The following MYO16 variants were observed in gnomAD, a reference collection of about 807,000 sequenced individuals.
The protein encoded by MYO16 is myosin XVI, also known as unconventional myosin-XVI.
Under a neutral mutation model 205.3 loss-of-function variants are expected in MYO16, and 94 were observed. That is an observed-to-expected ratio of 0.46 (90% CI 0.39 to 0.54). The LOEUF is 0.54. Ranked by LOEUF, MYO16 falls within the 20% of genes least tolerant of loss-of-function variation. MYO16 has a pLI of 0.00. For missense variants in MYO16, 2,315 were observed against 2,387.5 expected (o/e 0.97, Z 0.63); for synonymous variants, 988 against 954.0 (o/e 1.04, Z -0.66).
At chr13:109,046,883 C>T in intron 23 of MYO16, 33 bp from the exon 24 acceptor site, 2 of 1,511,204 alleles carry the variant, frequency 1.3e-6, no homozygotes, top group Non-Finnish European at 1.8e-6. Context: ...CATGTTGAAT[C>T]ATTAGTAATT....
the MYO16 span, among the ~76,000 whole-genome samples, chr13:108,566,729 GGAAGGGAGGAAGGA>G: frequency 7.8e-6 from 1 of 127,502 alleles, no homozygotes; most frequent in East Asian, 2.2e-4. Context: ...AAGGAAGGAA[GGAAGGGAGGAAGGA>G]AGGAAGGAAG....
At chr13:109,023,046 CAT>C (rs1449991605) in intron 23 of MYO16, among the ~76,000 whole-genome samples, 14 of 132,404 alleles carry the variant, frequency 1.1e-4, no homozygotes, top group Admixed American at 4.2e-4. Context: ...TTAATACACA[CAT>C]GTAAGTATAT....
chr13:108,818,924 C>T (rs1031969379), intron 7 of MYO16, among the ~76,000 whole-genome samples: 1 of 152,186 alleles, frequency 6.6e-6, no homozygotes, highest in African/African-American at 2.4e-5. Flanking sequence ...TATTCTTTTA[C>T]ACCCAAGAAT....
At chr13:108,656,937 A>G (rs184755385) in intron 1 of MYO16, among the ~76,000 whole-genome samples, 44 of 152,298 alleles carry the variant, frequency 2.9e-4, no homozygotes, top group African/African-American at 1.0e-3. Context: ...TTGGTGCTCT[A>G]TGGAGACAGC....
intron 28 of MYO16, among the ~76,000 whole-genome samples, chr13:109,104,812 T>C (rs796287954): frequency 6.6e-6 from 1 of 152,150 alleles, no homozygotes; most frequent in East Asian, 1.9e-4. Flanking sequence ...CGAGTTTTGC[T>C]CACGTGCCAA....
At chr13:109,022,723 A>G in intron 23 of MYO16, among the ~76,000 whole-genome samples, 1 of 56,876 alleles carries the variant, frequency 1.8e-5, no homozygotes. Context: ...ACGCATATAA[A>G]CATATGTATA....
chr13:108,779,971 A>G (rs1886248903), intron 4 of MYO16: 1 of 152,182 alleles, frequency 6.6e-6, no homozygotes, highest in African/African-American at 2.4e-5. Flanking sequence ...TTCATTTTCA[A>G]GTTTCAGGCT....
intron 34 of MYO16, among the ~76,000 whole-genome samples, chr13:109,199,220 A>ATATATATATATG (rs1880304705): frequency 1.8e-5 from 2 of 110,758 alleles, no homozygotes; most frequent in East Asian, 7.1e-4. Context: ...ATATATATAT[A>ATATATATATATG]TATATATATA....
intron 11 of MYO16, among the ~76,000 whole-genome samples, chr13:108,858,545 A>G (rs1397152912): frequency 6.6e-6 from 1 of 152,062 alleles, no homozygotes; most frequent in Non-Finnish European, 1.5e-5. Flanking sequence ...ATTTCCCTGC[A>G]AATGTCACCG....
chr13:108,953,398 T>G (rs1883229113), intron 16 of MYO16, among the ~76,000 whole-genome samples: 1 of 152,234 alleles, frequency 6.6e-6, no homozygotes, highest in Admixed American at 6.5e-5. Flanking sequence ...TGGGAAATAC[T>G]CACATTCTGT....
At chr13:109,163,742 C>T (rs1878505942) in intron 32 of MYO16, among the ~76,000 whole-genome samples, 1 of 151,976 alleles carries the variant, frequency 6.6e-6, no homozygotes, top group Non-Finnish European at 1.5e-5. Flanking sequence ...GTTAAAGTTC[C>T]ATTCTATCTC....
chr13:108,542,786 G>A, the MYO16 span, among the ~76,000 whole-genome samples: 2 of 152,040 alleles, frequency 1.3e-5, no homozygotes, highest in Admixed American at 1.3e-4. Flanking sequence ...CTGGAATAAA[G>A]CCATGAATCA....
At chr13:108,951,843 C>T (rs1190160618) in intron 16 of MYO16, among the ~76,000 whole-genome samples, 1 of 152,148 alleles carries the variant, frequency 6.6e-6, no homozygotes, top group Non-Finnish European at 1.5e-5. Context: ...TGGCGCATGC[C>T]TGTAATCCCA....
the MYO16 span, among the ~76,000 whole-genome samples, chr13:108,572,197 G>T: frequency 2.6e-5 from 4 of 152,200 alleles, no homozygotes; most frequent in African/African-American, 7.2e-5. Flanking sequence ...AAACTGCTGG[G>T]ATTACAGGTG....
chr13:108,805,958 A>AAATAAAT (rs372498138), intron 6 of MYO16, among the ~76,000 whole-genome samples: 1 of 151,582 alleles, frequency 6.6e-6, no homozygotes, highest in Admixed American at 6.6e-5. Context: ...ATAAATAAAT[A>AAATAAAT]AAATTAGCTG....
At chr13:108,793,297 A>AAC (rs1886676789) in intron 5 of MYO16, among the ~76,000 whole-genome samples, 1 of 139,538 alleles carries the variant, frequency 7.2e-6, no homozygotes, top group South Asian at 2.4e-4. Context: ...AAAAAAAAAA[A>AAC]AAAAAAAACA....
the MYO16 span, among the ~76,000 whole-genome samples, chr13:108,498,551 C>A: frequency 0.33 from 49,453 of 152,062 alleles, 8,256 homozygotes; most frequent in East Asian, 0.46. Flanking sequence ...CTGCTCTGTA[C>A]TAGAAATAAC....
intron 4 of MYO16, among the ~76,000 whole-genome samples, chr13:108,727,963 G>A (rs1039422548): frequency 6.6e-6 from 1 of 151,692 alleles, no homozygotes; most frequent in South Asian, 2.1e-4. Context: ...TTTTTTCTTG[G>A]TTACATCTAG....
chr13:108,520,965 C>T, the MYO16 span, among the ~76,000 whole-genome samples: 393 of 152,254 alleles, frequency 2.6e-3, 3 homozygotes, highest in African/African-American at 8.3e-3. Flanking sequence ...TTTCCTCCCA[C>T]GTCCCCATCT....
Sources: allele counts gnomAD v4.1 joint callset (sites outside exome capture counted in the v4.1 genomes callset), GRCh38; gene constraint gnomAD v4.1.1; transcripts MANE v1.5; gene names NCBI Gene and HGNC (gene_info 2026-07-23, HGNC 2026-07-21).